BANP: variants seen among roughly 807,000 people sequenced by gnomAD.
BANP encodes the protein BTG3 associated nuclear protein.
BANP carries 11 observed loss-of-function variants against 68.1 expected under a neutral mutation model. The observed-to-expected ratio is 0.16, with a 90% CI of 0.10 to 0.27. The LOEUF is 0.27. BANP is among the 10% of genes least tolerant of loss of function. The probability of loss-of-function intolerance (pLI) is 1.00; values close to 1 mark genes in which losing one functional copy is unlikely to be tolerated. For missense variants in BANP, 504 were observed against 722.7 expected, an observed-to-expected ratio of 0.70 and a Z score of 3.47; for synonymous variants, 329 against 303.2, an observed-to-expected ratio of 1.09 and a Z score of -0.88.
At chr16:88,073,498 G>A (rs1399922023) in intron 13 of BANP, among the ~76,000 whole-genome samples, 1 of 152,192 alleles carries the variant, frequency 6.6e-6, no homozygotes, top group Non-Finnish European at 1.5e-5. Flanking sequence ...CCTCACTGGA[G>A]ATGCGCTGGA....
At chr16:88,066,810 C>T (rs976085059) in intron 12 of BANP, among the ~76,000 whole-genome samples, 8 of 152,162 alleles carry the variant, frequency 5.3e-5, no homozygotes, top group Non-Finnish European at 8.8e-5. Flanking sequence ...TTCAAAACGC[C>T]GCTCCCAGCG....
chr16:88,024,873 C>G (rs1018539479), intron 7 of BANP, among the ~76,000 whole-genome samples: 1 of 152,234 alleles, frequency 6.6e-6, no homozygotes, highest in African/African-American at 2.4e-5. Flanking sequence ...GAACTGGCAA[C>G]TTGATTTTTA....
chr16:87,993,708 C>T (rs2152506097), intron 4 of BANP, among the ~76,000 whole-genome samples: 2 of 152,004 alleles, frequency 1.3e-5, no homozygotes, highest in South Asian at 2.1e-4. Flanking sequence ...AGCAATTCTT[C>T]TACCTCAACC....
chr16:88,006,735 T>C (rs1256129299), intron 6 of BANP, among the ~76,000 whole-genome samples: 2 of 150,408 alleles, frequency 1.3e-5, no homozygotes, highest in Non-Finnish European at 3.0e-5. Context: ...GGGTGGATCA[T>C]GAGGTCAGGA....
chr16:87,990,495 T>A (rs1402403762), intron 4 of BANP, among the ~76,000 whole-genome samples: 1 of 152,106 alleles, frequency 6.6e-6, no homozygotes, highest in Non-Finnish European at 1.5e-5. Flanking sequence ...GCACAAGAGG[T>A]CTTGGCCAGG....
At chr16:88,047,421 A>T (rs948009218) in intron 11 of BANP, among the ~76,000 whole-genome samples, 1 of 152,210 alleles carries the variant, frequency 6.6e-6, no homozygotes, top group African/African-American at 2.4e-5. Context: ...CCTTCCCCCA[A>T]ACCAGGAAGC....
At chr16:88,060,115 G>A (rs1157403752) in intron 11 of BANP, among the ~76,000 whole-genome samples, 3 of 152,282 alleles carry the variant, frequency 2.0e-5, no homozygotes, top group East Asian at 3.8e-4. Context: ...AAGTGTGAGC[G>A]GCTTGTGTGA....
intron 1 of BANP, among the ~76,000 whole-genome samples, chr16:87,960,215 C>A (rs1035445570): frequency 2.0e-5 from 3 of 152,186 alleles, no homozygotes; most frequent in Admixed American, 2.0e-4. Context: ...GAAACACTGG[C>A]CGTGGCAGGT....
chr16:88,043,782 G>A (rs2081347153), intron 11 of BANP, among the ~76,000 whole-genome samples: 1 of 152,166 alleles, frequency 6.6e-6, no homozygotes, highest in Non-Finnish European at 1.5e-5. Flanking sequence ...GGTGCCAGGA[G>A]TGTAAAATAA....
chr16:88,027,479 C>T lies in BANP; in HGVS notation c.896-4C>T, dbSNP rs1444291271. Reference sequence around the variant, plus strand: ...ACCGCTTCTCCTTGGATGTGTCCTTCCAGGTCACCTTTTCTATAAATTTGG... The same window carrying T: ...ACCGCTTCTCCTTGGATGTGTCCTTTCAGGTCACCTTTTCTATAAATTTGG... On this transcript the variant is annotated splice_region_variant and splice_polypyrimidine_tract_variant and intron_variant, in intron 7 of 13. Transcript: ENST00000682872. The T allele has an allele frequency of 1.2e-6, 2 of 1,613,336 alleles. No homozygotes were observed. Among genetic ancestry groups the T allele is most frequent in the East Asian group, 4.5e-5 (2 of 44,804 alleles).
chr16:87,961,594 A>G (rs12934497), intron 1 of BANP, among the ~76,000 whole-genome samples: 54,174 of 152,146 alleles, frequency 0.36, 10,840 homozygotes, highest in Non-Finnish European at 0.47. Flanking sequence ...ATGTAAAACA[A>G]TATTATCCCT....
intron 2 of BANP, 104 bp downstream of exon 2, chr16:87,975,289 T>C (rs907458872): frequency 2.8e-5 from 32 of 1,143,094 alleles, no homozygotes; most frequent in Non-Finnish European, 4.0e-5. Context: ...GAAAAAGTAA[T>C]GCATGCTGCG....
At chr16:88,011,701 A>G (rs1013951275) in intron 6 of BANP, among the ~76,000 whole-genome samples, 4 of 152,176 alleles carry the variant, frequency 2.6e-5, no homozygotes, top group African/African-American at 9.7e-5. Flanking sequence ...ATGTCACATA[A>G]TCATAAAGTC....
intron 1 of BANP, among the ~76,000 whole-genome samples, chr16:87,971,831 T>C (rs1196117315): frequency 6.6e-6 from 1 of 152,224 alleles, no homozygotes. Context: ...CTCGTTCTGT[T>C]GTCCAGGGTG....
intron 8 of BANP, among the ~76,000 whole-genome samples, chr16:88,030,596 C>G (rs1360568205): frequency 6.6e-6 from 1 of 152,208 alleles, no homozygotes; most frequent in African/African-American, 2.4e-5. Flanking sequence ...ATTAGGATAC[C>G]AGAATCTTGA....
chr16:88,029,946 G>A (rs2077795012), intron 8 of BANP, among the ~76,000 whole-genome samples: 1 of 152,236 alleles, frequency 6.6e-6, no homozygotes, highest in Non-Finnish European at 1.5e-5. Flanking sequence ...GGACTCCAAG[G>A]CAGGCATGAG....
intron 2 of BANP, among the ~76,000 whole-genome samples, chr16:87,979,739 T>C (rs2062901069): frequency 6.6e-6 from 1 of 152,226 alleles, no homozygotes; most frequent in African/African-American, 2.4e-5. Flanking sequence ...CGCATGCTCA[T>C]ATGTATGCAC....
At position 88,009,915 on chromosome 16, in the gene BANP, G is replaced by GA. The variant is rs537772643; in HGVS notation, c.655+3653dup. ...AGAGGGACTGTAGCTCCTGACTGTT[G>GA]AAAGCATGGAACAGTAGACTGTGTC... is the stretch of plus-strand genomic sequence containing the variant. On this transcript the variant is annotated intron_variant, in intron 6 of 13. Coordinates refer to ENST00000682872, the MANE Select transcript of BANP (RefSeq NM_001386991.1). Among the ~76,000 whole-genome samples the GA allele has an allele frequency of 3.5e-3, 530 of 152,192 alleles. 5 individuals are homozygous for GA. Among genetic ancestry groups the GA allele is most frequent in the Non-Finnish European group, 5.7e-3 (389 of 68,014 alleles).
intron 13 of BANP, 90 bp downstream of exon 13, chr16:88,072,302 G>T: frequency 6.9e-7 from 1 of 1,444,808 alleles, no homozygotes; most frequent in South Asian, 1.3e-5. Flanking sequence ...GGGCTTTCTC[G>T]TGACTCTTCC....
Sources: allele counts gnomAD v4.1 joint callset (sites outside exome capture counted in the v4.1 genomes callset), GRCh38; gene constraint gnomAD v4.1.1; transcripts MANE v1.5; gene names NCBI Gene and HGNC (gene_info 2026-07-23, HGNC 2026-07-21).